Variants in HCRTR2 observed in about 807,000 individuals in gnomAD.
HCRTR2 encodes orexin receptor type 2.
Under a neutral mutation model 49.0 loss-of-function variants are expected in HCRTR2, and 22 were observed. That is an observed-to-expected ratio of 0.45 (90% CI 0.32 to 0.64). HCRTR2 has a LOEUF of 0.64. Among genes scored for constraint, HCRTR2 ranks in the 30% least tolerant of loss-of-function variants. The pLI is 0.04. For synonymous variants in HCRTR2, 236 were observed against 205.3 expected (o/e 1.15, Z -1.28); for missense variants, 491 against 559.4 (o/e 0.88, Z 1.23).
intron 1 of HCRTR2, among the ~76,000 whole-genome samples, chr6:55,126,950 C>T (rs1208828238): frequency 1.3e-5 from 2 of 152,168 alleles, no homozygotes; most frequent in African/African-American, 4.8e-5. Flanking sequence ...TGATCTCAGA[C>T]TGCTGCTGTG....
chr6:55,153,328 G>T (rs1443145206), intron 1 of HCRTR2, among the ~76,000 whole-genome samples: 1 of 151,886 alleles, frequency 6.6e-6, no homozygotes, highest in Non-Finnish European at 1.5e-5. Context: ...AAACCTAGAT[G>T]GTATAGCTTA....
At chr6:55,241,680 G>A (rs1028891338) in intron 1 of HCRTR2, among the ~76,000 whole-genome samples, 2 of 151,882 alleles carry the variant, frequency 1.3e-5, no homozygotes, top group Non-Finnish European at 2.9e-5. Context: ...TGATATATTG[G>A]AACTAAGGTT....
At chr6:55,150,183 A>C (rs1428553049) in intron 1 of HCRTR2, among the ~76,000 whole-genome samples, 1 of 152,016 alleles carries the variant, frequency 6.6e-6, no homozygotes, top group Non-Finnish European at 1.5e-5. Flanking sequence ...TTAAAAGTTG[A>C]CTATAAATAT....
chr6:55,152,276 A>T (rs760755590), intron 1 of HCRTR2, among the ~76,000 whole-genome samples: 1 of 151,914 alleles, frequency 6.6e-6, no homozygotes, highest in African/African-American at 2.4e-5. Flanking sequence ...ATCCTAACAC[A>T]TGTGACGTAA....
intron 1 of HCRTR2, among the ~76,000 whole-genome samples, chr6:55,238,428 A>C (rs773156326): frequency 6.6e-6 from 1 of 152,178 alleles, no homozygotes; most frequent in African/African-American, 2.4e-5. Flanking sequence ...TATTCCGCCT[A>C]AGTAATCTTT....
intron 1 of HCRTR2, among the ~76,000 whole-genome samples, chr6:55,166,956 C>CATGTTATGGTTCA (rs70983500): frequency 1.2e-4 from 18 of 151,718 alleles, no homozygotes; most frequent in Admixed American, 3.9e-4. Context: ...CAAAACCCAA[C>CATGTTATGGTTCA]ATTTAAAGGA....
At chr6:55,133,647 TATCTATCTATCTATC>T (rs1183544021) in intron 1 of HCRTR2, among the ~76,000 whole-genome samples, 5 of 139,332 alleles carry the variant, frequency 3.6e-5, no homozygotes, top group African/African-American at 1.3e-4. Flanking sequence ...TACATGTATT[TATCTATCTATCTATC>T]ATCTATCTAT....
intron 1 of HCRTR2, among the ~76,000 whole-genome samples, chr6:55,151,793 T>G (rs1159232668): frequency 6.9e-6 from 1 of 145,508 alleles, no homozygotes; most frequent in South Asian, 2.2e-4. Flanking sequence ...ATTTATTTCT[T>G]AAAAAAAAAA....
chr6:55,263,898 TTGTC>T, intron 4 of HCRTR2, 76 bp downstream of exon 4: 2 of 927,396 alleles, frequency 2.2e-6, no homozygotes, highest in South Asian at 1.4e-5. Context: ...TCCAAATATT[TTGTC>T]TGTGCTTTTT....
intron 1 of HCRTR2, among the ~76,000 whole-genome samples, chr6:55,108,707 C>A (rs926443115): frequency 6.6e-6 from 1 of 151,936 alleles, no homozygotes; most frequent in East Asian, 2.0e-4. Flanking sequence ...TCACAGGTGT[C>A]CTTGGGGAGG....
chr6:55,135,468 T>C (rs992483875), intron 1 of HCRTR2, among the ~76,000 whole-genome samples: 2 of 152,074 alleles, frequency 1.3e-5, no homozygotes, highest in African/African-American at 4.8e-5. Flanking sequence ...TTTAAATGTA[T>C]TCCTGAAAGT....
chr6:55,113,051 G>T (rs1010324763), intron 1 of HCRTR2, among the ~76,000 whole-genome samples: 7 of 151,980 alleles, frequency 4.6e-5, no homozygotes, highest in Non-Finnish European at 7.4e-5. Context: ...TTCAAGGAAT[G>T]GTGCTAGGAT....
chr6:55,189,740 C>G (rs1022297799), intron 1 of HCRTR2, among the ~76,000 whole-genome samples: 1 of 152,178 alleles, frequency 6.6e-6, no homozygotes, highest in East Asian at 1.9e-4. Context: ...TGATGACACA[C>G]GTTTACCTAT....
chr6:55,149,108 C>T (rs1053027785), intron 1 of HCRTR2, among the ~76,000 whole-genome samples: 3 of 152,038 alleles, frequency 2.0e-5, no homozygotes, highest in African/African-American at 7.2e-5. Flanking sequence ...AAAAAGTAAG[C>T]TTTCCCACCA....
At chr6:55,167,951 A>G (rs1764900425) in intron 1 of HCRTR2, among the ~76,000 whole-genome samples, 1 of 152,218 alleles carries the variant, frequency 6.6e-6, no homozygotes, top group African/African-American at 2.4e-5. Context: ...ATTTAGTAAT[A>G]GGCAAGAATA....
chr6:55,210,483 T>C (rs1375146955), intron 1 of HCRTR2, among the ~76,000 whole-genome samples: 1 of 152,118 alleles, frequency 6.6e-6, no homozygotes, highest in African/African-American at 2.4e-5. Context: ...AAATTTATAC[T>C]ACAAATTCAA....
intron 1 of HCRTR2, among the ~76,000 whole-genome samples, chr6:55,189,919 A>G (rs1765288151): frequency 6.6e-6 from 1 of 152,220 alleles, no homozygotes; most frequent in African/African-American, 2.4e-5. Flanking sequence ...TTGGACAAAG[A>G]TACGTGGAGT....
chr6:55,253,009 A>T (rs1217813632), intron 2 of HCRTR2, among the ~76,000 whole-genome samples: 1 of 152,018 alleles, frequency 6.6e-6, no homozygotes, highest in Non-Finnish European at 1.5e-5. Context: ...CATTTTACAG[A>T]TGAGAAAACT....
At chr6:55,181,645 A>T (rs1249924495) in intron 1 of HCRTR2, among the ~76,000 whole-genome samples, 1 of 152,192 alleles carries the variant, frequency 6.6e-6, no homozygotes, top group Non-Finnish European at 1.5e-5. Context: ...AATGAAAAAA[A>T]ACTCAAGTGC....
Sources: gnomAD v4.1 joint callset for allele counts (sites outside exome capture counted in the v4.1 genomes callset) on GRCh38, gnomAD v4.1.1 for gene constraint, MANE v1.5 for transcripts, NCBI Gene and HGNC (gene_info 2026-07-23, HGNC 2026-07-21) for gene names.